Variants in TRIM24 observed in about 807,000 individuals in gnomAD.
TRIM24 encodes tripartite motif containing 24.
TRIM24 carries 29 observed loss-of-function variants against 123.9 expected under a neutral mutation model. The observed-to-expected ratio is 0.23, with a 90% CI of 0.17 to 0.32. TRIM24 has a LOEUF of 0.32. TRIM24 is among the 10% of genes least tolerant of loss of function. TRIM24 has a pLI of 1.00. For synonymous variants in TRIM24, 456 were observed against 461.1 expected (o/e 0.99, Z 0.14); for missense variants, 932 against 1,295.3 (o/e 0.72, Z 4.31).
intron 1 of TRIM24, among the ~76,000 whole-genome samples, chr7:138,480,822 C>T (rs1273044895): frequency 6.6e-6 from 1 of 151,986 alleles, no homozygotes; most frequent in Non-Finnish European, 1.5e-5. Flanking sequence ...GTGGGTGTTT[C>T]CTGTTAACTT....
Position 138,466,463 on chromosome 7 carries a change from CTTTTTT to C in TRIM24, c.364+5564_364+5569del, listed in dbSNP as rs577317171. Among the ~76,000 whole-genome samples, 42 of 74,060 alleles carry C rather than the reference CTTTTTT, an allele frequency of 5.7e-4. 1 individual carries two copies. The highest frequency in any genetic ancestry group is 1.8e-3 in the African/African-American group (32 of 18,076). The allele number at this position is 74,060 out of a possible 152,430, so 48.6% of individuals were successfully genotyped here. On this transcript the variant is annotated intron_variant, in intron 1 of 18. Coordinates refer to ENST00000343526, the MANE Select transcript of TRIM24 (RefSeq NM_015905.3). ...TTTGCAAATTTCAAAACTTAAGTTG[CTTTTTT>C]TTTTTTTTTTTTGGAGACAGCATCT...
intron 1 of TRIM24, among the ~76,000 whole-genome samples, chr7:138,488,107 C>G (rs941063572): frequency 6.6e-6 from 1 of 152,124 alleles, no homozygotes; most frequent in Non-Finnish European, 1.5e-5. Flanking sequence ...TCCATTTCTT[C>G]TAGATTTTCT....
chr7:138,563,663 G>C (rs1022984105), intron 9 of TRIM24, among the ~76,000 whole-genome samples: 5 of 152,174 alleles, frequency 3.3e-5, no homozygotes, highest in Non-Finnish European at 7.3e-5. Flanking sequence ...TCCTGCAAAT[G>C]CCGTGTTCAC....
chr7:138,511,512 A>G (rs989901721), intron 2 of TRIM24, among the ~76,000 whole-genome samples: 2 of 151,442 alleles, frequency 1.3e-5, no homozygotes, highest in Admixed American at 1.3e-4. Context: ...CTGGTCTCGA[A>G]CTCCTGACCT....
intron 6 of TRIM24, among the ~76,000 whole-genome samples, chr7:138,535,519 T>C (rs1796849892): frequency 6.6e-6 from 1 of 152,186 alleles, no homozygotes; most frequent in South Asian, 2.1e-4. Flanking sequence ...AAAATTCTTT[T>C]CTTTAAGGCT....
rs1391209591 is a variant in TRIM24 at position 138,460,552 on chromosome 7, G to C, written c.4G>C (p.Glu2Gln). Reference protein sequence around the residue: MEVAVEKAVAAA... With the variant: MQVAVEKAVAAA... ...CGGCGGCGGCAAGGGCAGGACAATGGAGGTGGCGGTGGAGAAGGCGGTGGC... is the reference window on the plus strand; with the variant it reads ...CGGCGGCGGCAAGGGCAGGACAATGCAGGTGGCGGTGGAGAAGGCGGTGGC... Residue 2 changes from glutamate to glutamine, a missense_variant, in exon 1 of 19, where the codon GAG becomes CAG. Coordinates refer to ENST00000343526, the MANE Select transcript of TRIM24 (RefSeq NM_015905.3). 1 of 1,308,586 alleles carries C rather than the reference G, an allele frequency of 7.6e-7. No individual in the cohort carries two copies. Among genetic ancestry groups the C allele is most frequent in the Non-Finnish European group, 9.6e-7 (1 of 1,038,952 alleles). 81.1% of individuals were successfully genotyped at this position (1,308,586 alleles called of 1,614,324 possible). A position where few individuals can be genotyped will look rare whatever the true frequency, so the allele number is the denominator to read the frequency against.
intron 1 of TRIM24, among the ~76,000 whole-genome samples, chr7:138,495,113 G>A (rs746105341): frequency 2.0e-5 from 3 of 152,114 alleles, no homozygotes; most frequent in East Asian, 1.9e-4. Context: ...AGAAATATTC[G>A]CATACCATGG....
At chr7:138,463,381 C>T (rs903837983) in intron 1 of TRIM24, among the ~76,000 whole-genome samples, 9 of 151,844 alleles carry the variant, frequency 5.9e-5, no homozygotes, top group East Asian at 1.9e-4. Flanking sequence ...CTCAGCTGGG[C>T]GCCACACCTG....
chr7:138,490,364 A>G (rs1168421368), intron 1 of TRIM24, among the ~76,000 whole-genome samples: 1 of 152,144 alleles, frequency 6.6e-6, no homozygotes, highest in Non-Finnish European at 1.5e-5. Flanking sequence ...CAACTCATCA[A>G]AGTTATTCTC....
At chr7:138,533,762 A>G (rs574940993) in intron 6 of TRIM24, among the ~76,000 whole-genome samples, 38 of 152,192 alleles carry the variant, frequency 2.5e-4, no homozygotes, top group African/African-American at 4.1e-4. Context: ...CTGTTTTTCT[A>G]TTCGTTGGAA....
Position 138,525,336 on chromosome 7 carries a change from C to T in TRIM24, c.860C>T (p.Thr287Ile). 6.6e-7 allele frequency: 1 copy of T among 1,518,118 alleles called. No individual in the cohort carries two copies. The highest frequency in any genetic ancestry group is 8.8e-7 in the Non-Finnish European group (1 of 1,134,106). 94.0% of individuals were successfully genotyped at this position (1,518,118 alleles called of 1,614,324 possible). The change falls in exon 5 of 19, where the codon ACA becomes ATA. Residue 287 changes from threonine (T) to isoleucine (I), a missense_variant. Transcript: ENST00000343526. ...GAAAAAACAAAATACATAAAATTCA[C>T]AGGAAATCAGATCCAAAACAGGTAA... ...LMEKTKYIKF[T>I]GNQIQNRIIE...
chr7:138,464,148 C>A (rs1029913410), intron 1 of TRIM24, among the ~76,000 whole-genome samples: 2 of 151,360 alleles, frequency 1.3e-5, no homozygotes, highest in African/African-American at 4.9e-5. Context: ...GAACATGCCA[C>A]CACGCCCGGC....
chr7:138,574,312 G>A (rs912733370), intron 12 of TRIM24, among the ~76,000 whole-genome samples: 2 of 152,100 alleles, frequency 1.3e-5, no homozygotes, highest in Non-Finnish European at 2.9e-5. Context: ...AGAGAAAAAC[G>A]CTAATATTAC....
At chr7:138,524,984 C>G (rs900028934) in intron 4 of TRIM24, among the ~76,000 whole-genome samples, 3 of 152,060 alleles carry the variant, frequency 2.0e-5, no homozygotes, top group Non-Finnish European at 4.4e-5. Context: ...TGAAAGTGAA[C>G]TCTGTAAGCT....
At chr7:138,522,160 T>TA (rs1796517159) in intron 4 of TRIM24, among the ~76,000 whole-genome samples, 3 of 151,730 alleles carry the variant, frequency 2.0e-5, no homozygotes, top group East Asian at 1.9e-4. Context: ...ACAAGCAGAC[T>TA]AAAAAATCAG....
At chr7:138,536,817 C>T (rs553970989) in intron 6 of TRIM24, among the ~76,000 whole-genome samples, 4 of 152,316 alleles carry the variant, frequency 2.6e-5, no homozygotes, top group East Asian at 1.9e-4. Flanking sequence ...CCAGAGGTGG[C>T]GTCTGCAGAG....
chr7:138,477,857 A>G (rs1795438117), intron 1 of TRIM24, among the ~76,000 whole-genome samples: 1 of 152,232 alleles, frequency 6.6e-6, no homozygotes, highest in Non-Finnish European at 1.5e-5. Context: ...AGAGAAGGAT[A>G]CATTTGAGGG....
chr7:138,465,416 G>A (rs868427254), intron 1 of TRIM24, among the ~76,000 whole-genome samples: 5 of 152,164 alleles, frequency 3.3e-5, no homozygotes, highest in African/African-American at 9.6e-5. Flanking sequence ...TGTTGTTAAC[G>A]TACTGTTCAG....
At position 138,573,504 on chromosome 7, in the gene TRIM24, A is replaced by G. The variant is rs1188818484; in HGVS notation, c.1879-3A>G. On this transcript the variant is annotated splice_region_variant and splice_polypyrimidine_tract_variant and intron_variant, in intron 11 of 18. Transcript: ENST00000343526. Reference sequence around the variant, plus strand: ...GCCCTGAAATAATTTCTTTTCTTGTAAGATTGACTGTTCAAGTACTATTAT... The same window carrying G: ...GCCCTGAAATAATTTCTTTTCTTGTGAGATTGACTGTTCAAGTACTATTAT... 2 of 1,559,732 alleles carry G rather than the reference A, an allele frequency of 1.3e-6. No homozygotes were observed. Among genetic ancestry groups the G allele is most frequent in the African/African-American group, 1.4e-5 (1 of 72,776 alleles).
Sources: allele counts gnomAD v4.1 joint callset (sites outside exome capture counted in the v4.1 genomes callset), GRCh38; gene constraint gnomAD v4.1.1; transcripts MANE v1.5; gene names NCBI Gene and HGNC (gene_info 2026-07-23, HGNC 2026-07-21).